Variants in CSMD1 observed in about 807,000 individuals in gnomAD.
CSMD1 encodes CUB and sushi domain-containing protein 1.
A neutral mutation model predicts 417.5 loss-of-function variants in CSMD1; 213 were observed. The ratio of observed to expected loss-of-function variants is 0.51; its 90% CI spans 0.46 to 0.57. The LOEUF is 0.57. Ranked by LOEUF, CSMD1 falls within the 20% of genes least tolerant of loss-of-function variation. The pLI, the probability that CSMD1 is intolerant of heterozygous loss-of-function variation, is 0.00. For synonymous variants in CSMD1, 2,862 were observed against 1,736.8 expected (o/e 1.65, Z -16.11); for missense variants, 6,923 against 4,529.7 (o/e 1.53, Z -15.17).
intron 5 of CSMD1, among the ~76,000 whole-genome samples, chr8:3,787,950 T>G (rs1269413823): frequency 6.6e-6 from 1 of 152,180 alleles, no homozygotes. Context: ...CAGAAATCCT[T>G]GCATGGGCTC....
chr8:3,678,861 G>A (rs1468377407), intron 7 of CSMD1, among the ~76,000 whole-genome samples: 1 of 152,196 alleles, frequency 6.6e-6, no homozygotes, highest in Non-Finnish European at 1.5e-5. Flanking sequence ...CTACAAGCCA[G>A]AAAAGACTGG....
intron 5 of CSMD1, among the ~76,000 whole-genome samples, chr8:3,953,117 T>G (rs1267454893): frequency 6.6e-6 from 1 of 151,920 alleles, no homozygotes; most frequent in Non-Finnish European, 1.5e-5. Flanking sequence ...TCTGAAAAGA[T>G]CAATGATCAT....
intron 5 of CSMD1, among the ~76,000 whole-genome samples, chr8:3,926,582 AT>A (rs1809745669): frequency 6.6e-6 from 1 of 151,686 alleles, no homozygotes; most frequent in Non-Finnish European, 1.5e-5. Flanking sequence ...TCTAACATTT[AT>A]TTCTGGTTAA....
Position 3,409,461 on chromosome 8 carries a change from T to C in CSMD1, c.1706A>G (p.Gln569Arg). ...LVGERVITCQQNNQWSGNKPS... is the reference protein window; with the variant it reads ...LVGERVITCQRNNQWSGNKPS... ...CTTGTTGCCAGACCACTGATTGTTCTGCTGACAGGTGATAACTCTCTCCCC... is the reference window on the plus strand; with the variant it reads ...CTTGTTGCCAGACCACTGATTGTTCCGCTGACAGGTGATAACTCTCTCCCC... Residue 569 changes from glutamine (Q) to arginine (R), a missense_variant, in exon 13 of 70, where the codon CAG becomes CGG. Coordinates refer to ENST00000635120, the MANE Select transcript of CSMD1 (RefSeq NM_033225.6). 6.2e-7 allele frequency: 1 copy of C among 1,611,602 alleles called. No homozygotes were observed. Among genetic ancestry groups the C allele is most frequent in the Non-Finnish European group, 8.5e-7 (1 of 1,178,982 alleles).
At chr8:4,527,758 A>G (rs781664388) in intron 2 of CSMD1, among the ~76,000 whole-genome samples, 3 of 152,236 alleles carry the variant, frequency 2.0e-5, no homozygotes, top group East Asian at 1.9e-4. Flanking sequence ...TAGACACACT[A>G]CAATCGTAGC....
At chr8:3,591,697 TGATA>T (rs1022222699) in intron 8 of CSMD1, among the ~76,000 whole-genome samples, 15 of 152,150 alleles carry the variant, frequency 9.9e-5, no homozygotes, top group African/African-American at 2.4e-4. Context: ...GATAGATGAT[TGATA>T]GATAGATAGA....
In CSMD1 at chr8:4,137,742, T is replaced by C. The variant is rs1803521597; in HGVS notation, c.416-105643A>G. Among the ~76,000 whole-genome samples the C allele has an allele frequency of 2.1e-5, 3 of 142,828 alleles. 1 individual carries two copies. The highest frequency in any genetic ancestry group is 7.2e-5 in the Admixed American group (1 of 13,944). 93.7% of individuals were successfully genotyped at this position (142,828 alleles called of 152,430 possible). A position where few individuals can be genotyped will look rare whatever the true frequency, so the allele number is the denominator to read the frequency against. ...CTGTATTTCACGATGTTGTATTTTA[T>C]ATAAAATTACACTTTCCTAAATTTC... On this transcript the variant is annotated intron_variant, in intron 3 of 69. Transcript: ENST00000635120.
rs373071630 is a variant in CSMD1 at position 3,952,591 on chromosome 8, G to A, written c.818+45312C>T. Among the ~76,000 whole-genome samples the A allele has an allele frequency of 3.9e-5, 6 of 152,120 alleles. No individual in the cohort carries two copies. In the East Asian group the frequency reaches 5.8e-4, roughly 15 times the overall value. Reference sequence around the variant, plus strand: ...GAAAACAGATCAGCAGTCACCAAGAGACAGGGAGAGAGGAGAATGGAAGAA... The same window carrying A: ...GAAAACAGATCAGCAGTCACCAAGAAACAGGGAGAGAGGAGAATGGAAGAA... On this transcript the variant is annotated intron_variant, in intron 5 of 69. Transcript: ENST00000635120.
rs147381301 is a variant in CSMD1 at position 4,699,654 on chromosome 8, G to C, written c.86-62096C>G. The stretch of plus-strand genomic sequence containing the variant: ...AAACCACAAGCCAGATAAAAATTTA[G>C]AACATTTTAAACAATGTCATCATCC... On this transcript the variant is annotated intron_variant, in intron 1 of 69. Transcript: ENST00000635120. Among the ~76,000 whole-genome samples the C allele has an allele frequency of 2.5e-4, 38 of 152,196 alleles. 1 individual carries two copies. In the East Asian group the frequency reaches 7.3e-3, roughly 29 times the overall value.
chr8:4,384,871 C>G (rs529404965), intron 3 of CSMD1, among the ~76,000 whole-genome samples: 1 of 150,450 alleles, frequency 6.6e-6, no homozygotes, highest in Non-Finnish European at 1.5e-5. Context: ...ACAAATACAA[C>G]TGCTCTAATT....
intron 2 of CSMD1, among the ~76,000 whole-genome samples, chr8:4,429,072 T>C (rs984182651): frequency 6.6e-6 from 1 of 151,982 alleles, no homozygotes; most frequent in Admixed American, 6.6e-5. Context: ...CAATACAATG[T>C]CTCAGTATAT....
At chr8:3,062,736 G>C (rs534932414) in intron 49 of CSMD1, among the ~76,000 whole-genome samples, 1 of 152,228 alleles carries the variant, frequency 6.6e-6, no homozygotes, top group East Asian at 1.9e-4. Context: ...GAAGGCAGCA[G>C]AATAGGGTTG....
Position 4,451,047 on chromosome 8 carries a change from T to G in CSMD1, c.303-30982A>C, listed in dbSNP as rs556749093. Among the ~76,000 whole-genome samples the G allele has an allele frequency of 1.4e-4, 21 of 152,236 alleles. No homozygotes were observed. The South Asian group carries it at 3.9e-3, about 29-fold the overall frequency. ...AAAAAAAAAATGGAATTTAGTGAAT[T>G]CTGCACTGCTCATTCAATAAGTCAG... is the stretch of plus-strand genomic sequence containing the variant. On this transcript the variant is annotated intron_variant, in intron 2 of 69. Coordinates refer to ENST00000635120, the MANE Select transcript of CSMD1 (RefSeq NM_033225.6).
At chr8:4,235,591 T>A (rs1007868026) in intron 3 of CSMD1, among the ~76,000 whole-genome samples, 1 of 152,304 alleles carries the variant, frequency 6.6e-6, no homozygotes, top group African/African-American at 2.4e-5. Context: ...ATCTAGTCTT[T>A]TCTCTCAGGG....
chr8:3,450,531 A>C (rs1394023053), intron 12 of CSMD1, among the ~76,000 whole-genome samples: 2 of 148,610 alleles, frequency 1.3e-5, no homozygotes, highest in Non-Finnish European at 3.0e-5. Context: ...CTCATTGTTC[A>C]ATTCCCACCT....
chr8:4,327,937 A>T (rs1173212997), intron 3 of CSMD1, among the ~76,000 whole-genome samples: 1 of 152,256 alleles, frequency 6.6e-6, no homozygotes, highest in East Asian at 1.9e-4. Context: ...TAATTGGCAC[A>T]TTTTCCACTG....
At chr8:3,441,371 T>A (rs940572301) in intron 12 of CSMD1, among the ~76,000 whole-genome samples, 1 of 152,160 alleles carries the variant, frequency 6.6e-6, no homozygotes, top group African/African-American at 2.4e-5. Flanking sequence ...CATCGACTGA[T>A]ATAAACATGT....
intron 3 of CSMD1, among the ~76,000 whole-genome samples, chr8:4,058,088 G>T (rs1169850921): frequency 2.0e-5 from 3 of 152,150 alleles, no homozygotes; most frequent in African/African-American, 7.2e-5. Flanking sequence ...TTGGTAGCTT[G>T]ATGGGGATGG....
chr8:4,550,855 C>T (rs1044606861), intron 2 of CSMD1, among the ~76,000 whole-genome samples: 6 of 152,326 alleles, frequency 3.9e-5, no homozygotes, highest in African/African-American at 1.4e-4. Flanking sequence ...ACTATTTGCT[C>T]TCCTTGAAAT....
Sources: allele counts gnomAD v4.1 joint callset (sites outside exome capture counted in the v4.1 genomes callset), GRCh38; gene constraint gnomAD v4.1.1; transcripts MANE v1.5; gene names NCBI Gene and HGNC (gene_info 2026-07-23, HGNC 2026-07-21).